The following NEIL3 variants were observed in gnomAD, a reference collection of about 807,000 sequenced individuals.
NEIL3 encodes the protein nei like DNA glycosylase 3.
Under a neutral mutation model 57.5 loss-of-function variants are expected in NEIL3, and 48 were observed. That is an observed-to-expected ratio of 0.83 (90% confidence interval 0.66 to 1.06). The LOEUF (loss-of-function observed/expected upper bound fraction) is 1.06, where lower values mean the gene tolerates loss of function less well. Ranked by LOEUF, NEIL3 falls within the 50% of genes least tolerant of loss-of-function variation. The pLI is 0.00. For synonymous variants in NEIL3, 261 were observed against 253.2 expected (o/e 1.03, Z -0.29); for missense variants, 717 against 739.1 (o/e 0.97, Z 0.35).
intron 1 of NEIL3, among the ~76,000 whole-genome samples, chr4:177,321,953 C>T (rs558678562): frequency 2.0e-5 from 3 of 152,260 alleles, no homozygotes; most frequent in East Asian, 1.9e-4. Context: ...GGTTCTCTCC[C>T]GCTTTTAGTT....
chr4:177,339,294 A>G (rs1578997294), intron 4 of NEIL3, among the ~76,000 whole-genome samples: 1 of 152,340 alleles, frequency 6.6e-6, no homozygotes, highest in South Asian at 2.1e-4. Flanking sequence ...AGAAATTGTT[A>G]TTAAGAATAT....
downstream of NEIL3, among the ~76,000 whole-genome samples, chr4:177,366,395 T>C (rs1735693137): frequency 2.0e-5 from 3 of 152,204 alleles, no homozygotes; most frequent in Non-Finnish European, 2.9e-5. Flanking sequence ...AACCATTATC[T>C]CTTCCAATAC....
At chr4:177,369,543 C>CTGAG in the NEIL3 span, among the ~76,000 whole-genome samples, 1 of 152,264 alleles carries the variant, frequency 6.6e-6, no homozygotes, top group African/African-American at 2.4e-5. Flanking sequence ...CCAATGCACA[C>CTGAG]TGAGATACAT....
At chr4:177,371,065 A>G in the NEIL3 span, among the ~76,000 whole-genome samples, 1 of 152,242 alleles carries the variant, frequency 6.6e-6, no homozygotes, top group Non-Finnish European at 1.5e-5. Flanking sequence ...TGTAATCAAC[A>G]AAAGAACAGT....
chr4:177,363,105 TAA>T (rs1027400596), downstream of NEIL3, among the ~76,000 whole-genome samples: 1 of 152,148 alleles, frequency 6.6e-6, no homozygotes. Context: ...TGTAGGCGTT[TAA>T]AAGAGAGGTT....
chr4:177,347,628 G>A (rs1389310811), intron 6 of NEIL3, among the ~76,000 whole-genome samples: 1 of 152,108 alleles, frequency 6.6e-6, no homozygotes, highest in East Asian at 1.9e-4. Flanking sequence ...GCTCTCAACA[G>A]TAGTGCAGGT....
chr4:177,349,387 C>T (rs150842937), intron 6 of NEIL3, among the ~76,000 whole-genome samples: 28 of 152,202 alleles, frequency 1.8e-4, no homozygotes, highest in African/African-American at 6.5e-4. Flanking sequence ...TTCCTTTCCT[C>T]TTCTCGCTTC....
At chr4:177,363,208 C>T (rs930684679), downstream of NEIL3, among the ~76,000 whole-genome samples, 1 of 152,136 alleles carries the variant, frequency 6.6e-6, no homozygotes, top group Non-Finnish European at 1.5e-5. Context: ...TAAAAAGTCA[C>T]TCTTAAGGTG....
intron 6 of NEIL3, among the ~76,000 whole-genome samples, chr4:177,347,878 T>C (rs1311315271): frequency 6.6e-6 from 1 of 152,200 alleles, no homozygotes; most frequent in Non-Finnish European, 1.5e-5. Flanking sequence ...AAATGAGATA[T>C]TATTAGTTCA....
intron 2 of NEIL3, among the ~76,000 whole-genome samples, chr4:177,324,965 A>C (rs1056652771): frequency 1.3e-5 from 2 of 149,046 alleles, no homozygotes; most frequent in Non-Finnish European, 3.0e-5. Context: ...AGATAGATAG[A>C]TAGATAGATA....
chr4:177,321,930 T>C (rs1431344926), intron 1 of NEIL3, among the ~76,000 whole-genome samples: 1 of 152,266 alleles, frequency 6.6e-6, no homozygotes, highest in Admixed American at 6.5e-5. Context: ...CAGCTCTCCC[T>C]ACTACCTCTC....
At position 177,362,328 on chromosome 4, in the gene NEIL3, C is replaced by G; in HGVS notation, c.1675C>G (p.Arg559Gly). The change falls in exon 10 of 10, where the codon CGT (arginine) becomes GGT (glycine). Residue 559 changes from arginine (R) to glycine (G), a missense_variant. Coordinates refer to ENST00000264596, the MANE Select transcript of NEIL3 (RefSeq NM_018248.3). ...LSFPFCNHGKRSTMKTVLKIG... is the reference protein window; with the variant it reads ...LSFPFCNHGKGSTMKTVLKIG... ...CTTCCCATTCTGCAACCATGGCAAG[C>G]GTTCCACCATGAAAACAGTATTGAA... 6.2e-7 allele frequency: 1 copy of G among 1,610,676 alleles called. No homozygotes were observed. The highest frequency in any genetic ancestry group is 2.2e-5 in the East Asian group (1 of 44,754).
chr4:177,334,896 G>T (rs1314980468), intron 2 of NEIL3, among the ~76,000 whole-genome samples: 2 of 152,102 alleles, frequency 1.3e-5, no homozygotes, highest in Non-Finnish European at 2.9e-5. Flanking sequence ...ATCATCAGAG[G>T]TCTTACAGAA....
Position 177,353,612 on chromosome 4 carries a change from C to A in NEIL3, c.1344C>A (p.Asn448Lys), listed in dbSNP as rs114231307. 6.2e-7 allele frequency: 1 copy of A among 1,613,546 alleles called. No homozygotes were observed. Among genetic ancestry groups the A allele is most frequent in the African/African-American group, 1.3e-5 (1 of 74,954 alleles). Reference sequence around the variant, plus strand: ...TAACTCAACCATCCAGCAAAGTAAACATATCACCTACAATCAGTTCAGAAT... The same window carrying A: ...TAACTCAACCATCCAGCAAAGTAAAAATATCACCTACAATCAGTTCAGAAT... Reference protein sequence around the residue: ...NDITQPSSKVNISPTISSESK... With the variant: ...NDITQPSSKVKISPTISSESK... The change falls in exon 8 of 10, where the codon AAC (asparagine) becomes AAA (lysine). Residue 448 changes from asparagine (N) to lysine (K), a missense_variant. Physicochemically the swap from Asn to Lys is moderately conservative, Grantham distance 94. Transcript: ENST00000264596.
intron 7 of NEIL3, among the ~76,000 whole-genome samples, chr4:177,352,422 T>C (rs1735376014): frequency 6.6e-6 from 1 of 152,244 alleles, no homozygotes; most frequent in African/African-American, 2.4e-5. Context: ...TCTCATTAAC[T>C]ATTTTCTTGT....
Position 177,313,421 on chromosome 4 carries a change from T to C in NEIL3, c.156+3312T>C, listed in dbSNP as rs1734513129. 2.0e-5 allele frequency among the ~76,000 whole-genome samples: 3 copies of C among 152,366 alleles called. No homozygotes were observed. In the South Asian group the frequency reaches 6.2e-4, roughly 32 times the overall value. On this transcript the variant is annotated intron_variant, in intron 1 of 9. Coordinates refer to ENST00000264596, the MANE Select transcript of NEIL3 (RefSeq NM_018248.3). The stretch of plus-strand genomic sequence containing the variant: ...CAGCATCTGCTAGTCATGGATGTAC[T>C]ATATTATTTTTCTGAGTCGTGATCC...
chr4:177,361,646 A>G (rs1301767091), intron 9 of NEIL3, among the ~76,000 whole-genome samples: 1 of 152,152 alleles, frequency 6.6e-6, no homozygotes, highest in Non-Finnish European at 1.5e-5. Flanking sequence ...AGCCTTTTTC[A>G]TATCTCTCTT....
chr4:177,357,911 T>A (rs925281675), intron 8 of NEIL3, among the ~76,000 whole-genome samples: 11 of 152,242 alleles, frequency 7.2e-5, no homozygotes, highest in Non-Finnish European at 1.6e-4. Context: ...AACAATTCTG[T>A]ATGCTACATT....
At chr4:177,338,937 T>G (rs1267873476) in intron 4 of NEIL3, among the ~76,000 whole-genome samples, 2 of 152,180 alleles carry the variant, frequency 1.3e-5, no homozygotes, top group Non-Finnish European at 2.9e-5. Context: ...TAATACAGAA[T>G]AAATATTCAA....
Sources: gnomAD v4.1 joint callset for allele counts (sites outside exome capture counted in the v4.1 genomes callset) on GRCh38, gnomAD v4.1.1 for gene constraint, MANE v1.5 for transcripts, NCBI Gene and HGNC (gene_info 2026-07-23, HGNC 2026-07-21) for gene names.